Variants in WAPL observed in about 807,000 individuals in gnomAD.
The protein encoded by WAPL is WAPL cohesin release factor.
A neutral mutation model predicts 121.0 loss-of-function variants in WAPL; 5 were observed. The ratio of observed to expected loss-of-function variants is 0.04; its 90% CI spans 0.02 to 0.09. WAPL has a LOEUF of 0.09. Among genes scored for constraint, WAPL ranks in the 10% least tolerant of loss-of-function variants. WAPL has a pLI of 1.00. For synonymous variants in WAPL, 480 were observed against 481.5 expected (o/e 1.00, Z 0.04); for missense variants, 999 against 1,410.8 (o/e 0.71, Z 4.68).
At chr10:86,473,595 C>G (rs1013424200) in intron 5 of WAPL, among the ~76,000 whole-genome samples, 2 of 152,132 alleles carry the variant, frequency 1.3e-5, no homozygotes, top group Non-Finnish European at 2.9e-5. Context: ...TGCTCTTAAA[C>G]ACTAAATACT....
chr10:86,488,529 C>T (rs1431929490), intron 4 of WAPL: 1 of 152,104 alleles, frequency 6.6e-6, no homozygotes, highest in Non-Finnish European at 1.5e-5. Flanking sequence ...CACACAAATT[C>T]GTAGAGCGTT....
intron 11 of WAPL, among the ~76,000 whole-genome samples, chr10:86,459,606 A>C (rs564366134): frequency 9.8e-5 from 15 of 152,390 alleles, no homozygotes; most frequent in African/African-American, 3.4e-4. Context: ...GTCTTTCGTA[A>C]GAGTCAAAGA....
chr10:86,509,421 C>T (rs111336872), intron 2 of WAPL, among the ~76,000 whole-genome samples: 1,578 of 152,234 alleles, frequency 0.01, 18 homozygotes, highest in Middle Eastern at 0.027. Context: ...CCAACAGGTC[C>T]CAGGTTAAAT....
intron 1 of WAPL, among the ~76,000 whole-genome samples, chr10:86,520,919 G>GGAC (rs909562846): frequency 6.6e-6 from 1 of 152,120 alleles, no homozygotes; most frequent in African/African-American, 2.4e-5. Flanking sequence ...CCTCACCTGG[G>GGAC]GACAGCCGGG....
At chr10:86,468,587 A>AT (rs1013812793) in intron 8 of WAPL, among the ~76,000 whole-genome samples, 1 of 152,060 alleles carries the variant, frequency 6.6e-6, no homozygotes, top group Non-Finnish European at 1.5e-5. Flanking sequence ...CCCTTAACAC[A>AT]TTTTTTCCCC....
At chr10:86,476,751 T>C (rs1841666057) in intron 4 of WAPL, among the ~76,000 whole-genome samples, 1 of 151,326 alleles carries the variant, frequency 6.6e-6, no homozygotes, top group South Asian at 2.1e-4. Flanking sequence ...TATGTGATGA[T>C]GTGCTGCTAG....
At chr10:86,506,851 G>C (rs958882156) in intron 2 of WAPL, among the ~76,000 whole-genome samples, 1 of 151,890 alleles carries the variant, frequency 6.6e-6, no homozygotes, top group African/African-American at 2.4e-5. Context: ...CCCTACACTG[G>C]ACTAAGGGTG....
Position 86,467,255 on chromosome 10 carries a change from AGAAG to A in WAPL, c.2370+20_2370+23del, listed in dbSNP as rs768378100. 8 of 1,595,936 alleles carry A rather than the reference AGAAG, an allele frequency of 5.0e-6. No individual in the cohort carries two copies. Among genetic ancestry groups the A allele is most frequent in the South Asian group, 1.1e-5 (1 of 90,358 alleles). On this transcript the variant is annotated intron_variant, in intron 9 of 18. Transcript: ENST00000298767. ...ACTTTCTGAAAGTAATTCTCATCTT[AGAAG>A]GAAGGAAGAAGGAACCCACCGTTAT... is the stretch of plus-strand genomic sequence containing the variant.
chr10:86,506,277 T>A (rs905650949), intron 2 of WAPL, among the ~76,000 whole-genome samples: 2 of 151,810 alleles, frequency 1.3e-5, no homozygotes, highest in African/African-American at 4.8e-5. Context: ...ACTTTGAGGG[T>A]GAGGAAGGAG....
At chr10:86,486,150 C>T (rs949024250) in intron 4 of WAPL, among the ~76,000 whole-genome samples, 2 of 152,308 alleles carry the variant, frequency 1.3e-5, no homozygotes, top group East Asian at 3.9e-4. Flanking sequence ...GTGGATCTCA[C>T]AATACCACAT....
rs938072760 is a variant in WAPL, at chr10:86,518,183, T to C, written c.-22-92A>G. On this transcript the variant is annotated intron_variant, in intron 1 of 18. Transcript: ENST00000298767. ...TAAAAACCTAGGGATTCTTCCCTCA[T>C]GACTTTTGACACTCACCACACAGAC... 11 of 1,236,560 alleles carry C rather than the reference T, an allele frequency of 8.9e-6. No homozygotes were observed. The African/African-American group carries it at 1.1e-4, about 12-fold the overall frequency. 76.6% of individuals were successfully genotyped at this position (1,236,560 alleles called of 1,614,324 possible).
At chr10:86,445,281 A>G (rs1849579892) in intron 16 of WAPL, among the ~76,000 whole-genome samples, 1 of 152,146 alleles carries the variant, frequency 6.6e-6, no homozygotes, top group African/African-American at 2.4e-5. Context: ...CTGTTATACT[A>G]TATTATTTAC....
At chr10:86,467,215 T>C (rs1841419355) in intron 9 of WAPL, 64 bp downstream of exon 9, 36 of 1,474,526 alleles carry the variant, frequency 2.4e-5, no homozygotes, top group Non-Finnish European at 3.0e-5. Flanking sequence ...ACACAGCTAC[T>C]GCAACTAACC....
In WAPL at chr10:86,439,567, C is replaced by T. The variant is rs999321465; in HGVS notation, c.3412-1552G>A. On this transcript the variant is annotated intron_variant, in intron 17 of 18. Transcript: ENST00000298767. ...ATTTTTTAACAGAATATAGCAGGTA[C>T]AAAAAGAAAAGGCATGATACAGCAT... 2.6e-5 allele frequency among the ~76,000 whole-genome samples: 4 copies of T among 152,030 alleles called. No individual in the cohort carries two copies. In the East Asian group the frequency reaches 5.8e-4, roughly 22 times the overall value.
At chr10:86,484,383 T>A (rs1279413424) in intron 4 of WAPL, among the ~76,000 whole-genome samples, 1 of 152,010 alleles carries the variant, frequency 6.6e-6, no homozygotes. Context: ...TAGTCCCAGC[T>A]ACTAGGGACG....
At chr10:86,465,202 T>C (rs964567971) in intron 9 of WAPL, among the ~76,000 whole-genome samples, 1 of 151,942 alleles carries the variant, frequency 6.6e-6, no homozygotes, top group Non-Finnish European at 1.5e-5. Context: ...GTTTGTTTGG[T>C]TTTTTTTGGA....
At position 86,472,498 on chromosome 10, in the gene WAPL, T is replaced by C; in HGVS notation, c.1893+114A>G. On this transcript the variant is annotated intron_variant, in intron 6 of 18. Coordinates refer to ENST00000298767, the MANE Select transcript of WAPL (RefSeq NM_015045.5). This position sits in a 1 kb window ranked among gnomAD's most constrained non-coding sequence, Gnocchi z 4.2. The stretch of plus-strand genomic sequence containing the variant: ...AGGATGATGGTAGGACAAAAGAAGT[T>C]TGTGGTTCAAAACTGAGTATCAGTA... 7 of 1,514,944 alleles carry C rather than the reference T, an allele frequency of 4.6e-6. No homozygotes were observed. Among genetic ancestry groups the C allele is most frequent in the Admixed American group, 2.4e-5 (1 of 42,502 alleles). 93.8% of individuals were successfully genotyped at this position (1,514,944 alleles called of 1,614,324 possible).
intron 8 of WAPL, 150 bp from the exon 9 acceptor site, chr10:86,467,656 T>A: frequency 1.6e-6 from 1 of 614,672 alleles, no homozygotes; most frequent in Non-Finnish European, 2.6e-6. Context: ...AAACGTTTTA[T>A]TCAGCGGTCC....
chr10:86,513,426 C>T (rs544221729), intron 2 of WAPL, among the ~76,000 whole-genome samples: 2 of 55,532 alleles, frequency 3.6e-5, no homozygotes, highest in East Asian at 5.5e-4. Flanking sequence ...CCTTCACCTC[C>T]GGGGTTCAAG....
Sources: allele counts gnomAD v4.1 joint callset (sites outside exome capture counted in the v4.1 genomes callset), GRCh38; gene constraint gnomAD v4.1.1; non-coding constraint Gnocchi (gnomAD v3.1); transcripts MANE v1.5; gene names NCBI Gene and HGNC (gene_info 2026-07-23, HGNC 2026-07-21).